Variants in SLC25A44 observed in about 807,000 individuals in gnomAD.
SLC25A44 encodes solute carrier family 25 member 44.
Under a neutral mutation model 29.9 loss-of-function variants are expected in SLC25A44, and 17 were observed. That is an observed-to-expected ratio of 0.57 (90% CI 0.39 to 0.85). The LOEUF (loss-of-function observed/expected upper bound fraction) is 0.85, where lower values mean the gene tolerates loss of function less well. SLC25A44 is among the 40% of genes least tolerant of loss of function. The pLI is 0.00. For synonymous variants in SLC25A44, 140 were observed against 151.8 expected, an observed-to-expected ratio of 0.92 and a Z score of 0.57; for missense variants, 302 against 398.4, an observed-to-expected ratio of 0.76 and a Z score of 2.06.
chr1:156,202,695 G>GC (rs1656660702), intron 2 of SLC25A44, among the ~76,000 whole-genome samples: 1 of 152,144 alleles, frequency 6.6e-6, no homozygotes, highest in African/African-American at 2.4e-5. Flanking sequence ...TCTTAAGGCA[G>GC]TTATACATTT....
At chr1:156,199,568 G>C in intron 1 of SLC25A44, 1 of 468,472 alleles carries the variant, frequency 2.1e-6, no homozygotes, top group Non-Finnish European at 3.8e-6. Flanking sequence ...GGAGCCAGGG[G>C]AATCATTGAA....
chr1:156,200,123 CA>C lies in SLC25A44; in HGVS notation c.277del (p.Thr93LeufsTer9). 6.2e-7 allele frequency: 1 copy of C among 1,614,156 alleles called. No individual in the cohort carries two copies. The highest frequency in any genetic ancestry group is 1.3e-5 in the African/African-American group (1 of 75,024). ...TCATCTCTGGCCAGTGTTATGTCAC[CA>C]CTTATGAGCTCACCCGGAAGTTTGT... ...TLISGQCYVT[T>X]YELTRKFVAD... On this transcript the variant is annotated frameshift_variant, in exon 2 of 4. Coordinates refer to ENST00000359511, the MANE Select transcript of SLC25A44 (RefSeq NM_014655.4). LOFTEE classifies it high-confidence loss of function.
At chr1:156,195,528 G>A (rs1486161460) in intron 1 of SLC25A44, among the ~76,000 whole-genome samples, 1 of 152,188 alleles carries the variant, frequency 6.6e-6, no homozygotes, top group African/African-American at 2.4e-5. Context: ...TTCCGGTTGC[G>A]GCAGTACCGG....
intron 3 of SLC25A44, among the ~76,000 whole-genome samples, chr1:156,209,514 C>T (rs145221831): frequency 5.0e-4 from 76 of 152,168 alleles, no homozygotes; most frequent in Admixed American, 1.7e-3. Flanking sequence ...TGAGTCTGTC[C>T]TGTATTGGCC....
chr1:156,201,356 C>G (rs1050219719), intron 2 of SLC25A44, among the ~76,000 whole-genome samples: 2 of 152,172 alleles, frequency 1.3e-5, no homozygotes, highest in African/African-American at 4.8e-5. Flanking sequence ...GCCTGCTACC[C>G]TGGGACATCC....
intron 2 of SLC25A44, among the ~76,000 whole-genome samples, chr1:156,202,772 A>G (rs965553087): frequency 1.3e-5 from 2 of 152,120 alleles, no homozygotes; most frequent in Non-Finnish European, 2.9e-5. Context: ...AAGGGGGAGG[A>G]AACTAACATT....
intron 3 of SLC25A44, among the ~76,000 whole-genome samples, chr1:156,209,938 A>G (rs1036854202): frequency 6.6e-6 from 1 of 151,922 alleles, no homozygotes; most frequent in Non-Finnish European, 1.5e-5. Flanking sequence ...TTTCTTGCTC[A>G]TAACAACCTC....
chr1:156,194,194 G>C lies in SLC25A44; in HGVS notation c.-67G>C, dbSNP rs1656066762. On this transcript the variant is annotated 5_prime_UTR_variant, in exon 1 of 4. Coordinates refer to ENST00000359511, the MANE Select transcript of SLC25A44 (RefSeq NM_014655.4). ...GATAGACTGGGGGCTGCGGCCTAGAGGTCCGGGCTTGGAGTTCGCCTCAGA... is the reference window on the plus strand; with the variant it reads ...GATAGACTGGGGGCTGCGGCCTAGACGTCCGGGCTTGGAGTTCGCCTCAGA... The C allele has an allele frequency of 6.5e-6, 1 of 152,854 alleles. No individual in the cohort carries two copies. Among genetic ancestry groups the C allele is most frequent in the African/African-American group, 2.4e-5 (1 of 41,466 alleles). 9.5% of individuals were successfully genotyped at this position (152,854 alleles called of 1,614,324 possible). A position where few individuals can be genotyped will look rare whatever the true frequency, so the allele number is the denominator to read the frequency against.
At chr1:156,195,021 T>C (rs1211428141) in intron 1 of SLC25A44, among the ~76,000 whole-genome samples, 1 of 152,180 alleles carries the variant, frequency 6.6e-6, no homozygotes, top group Non-Finnish European at 1.5e-5. Flanking sequence ...CACTGTCCAG[T>C]AGAACTTTCT....
At chr1:156,205,339 G>T (rs189288632) in intron 2 of SLC25A44, among the ~76,000 whole-genome samples, 1 of 152,148 alleles carries the variant, frequency 6.6e-6, no homozygotes, top group South Asian at 2.1e-4. Flanking sequence ...ACCACGCCTG[G>T]CCGAGGAAAA....
At chr1:156,202,860 G>A (rs939197787) in intron 2 of SLC25A44, among the ~76,000 whole-genome samples, 7 of 152,158 alleles carry the variant, frequency 4.6e-5, no homozygotes, top group Admixed American at 2.0e-4. Context: ...ATAACCCTGC[G>A]ATGTAAGTGG....
intron 2 of SLC25A44, 93 bp downstream of exon 2, chr1:156,200,565 T>G: frequency 8.9e-7 from 1 of 1,129,344 alleles, no homozygotes; most frequent in East Asian, 2.4e-5. Flanking sequence ...GGAGGTGAGA[T>G]TTAATGGGGG....
intron 2 of SLC25A44, among the ~76,000 whole-genome samples, chr1:156,201,628 C>T (rs1341976783): frequency 2.0e-5 from 3 of 150,268 alleles, no homozygotes; most frequent in African/African-American, 2.4e-5. Flanking sequence ...TTCCTTCTTC[C>T]TCCTCCTCTT....
chr1:156,201,698 C>T (rs1175575051), intron 2 of SLC25A44, among the ~76,000 whole-genome samples: 2 of 143,376 alleles, frequency 1.4e-5, no homozygotes, highest in Non-Finnish European at 1.5e-5. Context: ...CTTTCTTCTT[C>T]TTTTTTTGCT....
At chr1:156,200,505 G>C (rs1370640963) in intron 2 of SLC25A44, 33 bp downstream of exon 2, 4 of 1,551,222 alleles carry the variant, frequency 2.6e-6, no homozygotes, top group Non-Finnish European at 3.5e-6. Context: ...GGGGAGGAAG[G>C]TGGGATTTCT....
rs759330075 is a variant in SLC25A44, at chr1:156,199,940, C to G, written c.93C>G (p.Ile31Met). The G allele has an allele frequency of 1.2e-6, 2 of 1,614,184 alleles. No individual in the cohort carries two copies. The highest frequency in any genetic ancestry group is 1.7e-6 in the Non-Finnish European group (2 of 1,180,014). The change falls in exon 2 of 4, where the codon ATC becomes ATG. Residue 31 changes from isoleucine to methionine, a missense_variant. Ile to Met is a conservative substitution (Grantham distance 10). Transcript: ENST00000359511. The part of the protein sequence containing the change: ...YVFGVAMTMM[I>M]RVSVYPFTLI... ...TTGGTGTGGCAATGACAATGATGAT[C>G]CGTGTCAGTGTCTACCCATTCACCC...
intron 2 of SLC25A44, among the ~76,000 whole-genome samples, chr1:156,202,567 T>C (rs563769905): frequency 1.3e-4 from 20 of 152,182 alleles, no homozygotes; most frequent in Non-Finnish European, 2.6e-4. Context: ...TGCTTACCCC[T>C]GGCGCAATCA....
chr1:156,205,073 C>A lies in SLC25A44; in HGVS notation c.626-2813C>A, dbSNP rs1259949332. On this transcript the variant is annotated intron_variant, in intron 2 of 3. Coordinates refer to ENST00000359511, the MANE Select transcript of SLC25A44 (RefSeq NM_014655.4). ...TTTTTTTTTTTTTGAGATGGAGTTTCGCTCTTGTTGCCCAGGCTGGAATGC... is the reference window on the plus strand; with the variant it reads ...TTTTTTTTTTTTTGAGATGGAGTTTAGCTCTTGTTGCCCAGGCTGGAATGC... 2.0e-5 allele frequency among the ~76,000 whole-genome samples: 3 copies of A among 150,122 alleles called. No homozygotes were observed. In the South Asian group the frequency reaches 6.3e-4, roughly 31 times the overall value.
rs1034874267 is a variant in SLC25A44 at position 156,211,054 on chromosome 1, TTTTGTGTGTG to T, written c.*625_*634del. On this transcript the variant is annotated 3_prime_UTR_variant, in exon 4 of 4. Coordinates refer to ENST00000359511, the MANE Select transcript of SLC25A44 (RefSeq NM_014655.4). ...GTTGGGAGAAATGTTGATACTTTTG[TTTTGTGTGTG>T]TGTGTGTGTGTGTGTGTGTGTGTGT... 9.3e-6 allele frequency: 1 copy of T among 107,196 alleles called. No individual in the cohort carries two copies. Among genetic ancestry groups the T allele is most frequent in the Non-Finnish European group, 1.8e-5 (1 of 54,208 alleles). The allele number at this position is 107,196 out of a possible 1,614,324, so 6.6% of individuals were successfully genotyped here. A position where few individuals can be genotyped will look rare whatever the true frequency, so the allele number is the denominator to read the frequency against.
Sources: gnomAD v4.1 joint callset for allele counts (sites outside exome capture counted in the v4.1 genomes callset) on GRCh38, gnomAD v4.1.1 for gene constraint, MANE v1.5 for transcripts, NCBI Gene and HGNC (gene_info 2026-07-23, HGNC 2026-07-21) for gene names.